UBAC2: variants seen among roughly 807,000 people sequenced by gnomAD.
The protein encoded by UBAC2 is ubiquitin-associated domain-containing protein 2.
In UBAC2, 26 loss-of-function variants were observed where a neutral mutation model predicts 44.0. The ratio of observed to expected loss-of-function variants is 0.59; its 90% confidence interval spans 0.43 to 0.82. The LOEUF is 0.82. UBAC2 is among the 40% of genes least tolerant of loss of function. UBAC2 has a pLI of 0.00. For missense variants in UBAC2, 329 were observed against 419.4 expected, an observed-to-expected ratio of 0.78 and a Z score of 1.88; for synonymous variants, 155 against 154.3, an observed-to-expected ratio of 1.00 and a Z score of -0.04.
chr13:99,382,664 A>G (rs568627894), intron 8 of UBAC2, among the ~76,000 whole-genome samples: 1 of 152,334 alleles, frequency 6.6e-6, no homozygotes, highest in Non-Finnish European at 1.5e-5. Context: ...CACAGCCCTC[A>G]TACTGGGAGT....
chr13:99,245,317 G>A (rs1762376370), intron 4 of UBAC2, among the ~76,000 whole-genome samples: 1 of 152,196 alleles, frequency 6.6e-6, no homozygotes, highest in Non-Finnish European at 1.5e-5. Flanking sequence ...ACGAAGTTAA[G>A]CTTCTGAAGA....
intron 1 of UBAC2, chr13:99,201,611 C>T (rs1409035281): frequency 1.9e-6 from 3 of 1,606,882 alleles, no homozygotes; most frequent in East Asian, 2.2e-5. Context: ...CGGCTTTTCT[C>T]ACTGAGTGTG....
chr13:99,331,007 A>G (rs2044709251), intron 6 of UBAC2, among the ~76,000 whole-genome samples: 1 of 152,232 alleles, frequency 6.6e-6, no homozygotes, highest in Non-Finnish European at 1.5e-5. Context: ...GGTTTTCTCC[A>G]TGTGCTAGAG....
chr13:99,200,869 CT>C lies in UBAC2; in HGVS notation c.-39del. ...GCTGGGGCTCGCACTTCAGCTTCCC[CT>C]CCCCCGGCGCCCTCTGGGGCTCCGA... On this transcript the variant is annotated 5_prime_UTR_variant, in exon 1 of 9. Coordinates refer to ENST00000403766, the MANE Select transcript of UBAC2 (RefSeq NM_001144072.2). The C allele has an allele frequency of 7.7e-7, 1 of 1,290,956 alleles. No individual in the cohort carries two copies. 80.0% of individuals were successfully genotyped at this position (1,290,956 alleles called of 1,614,324 possible).
At chr13:99,228,161 C>T (rs1049682830) in intron 1 of UBAC2, among the ~76,000 whole-genome samples, 7 of 152,180 alleles carry the variant, frequency 4.6e-5, no homozygotes, top group South Asian at 2.1e-4. Context: ...TCAAGCTGCC[C>T]GTTGCACTTA....
At chr13:99,242,196 C>A (rs370729217) in intron 2 of UBAC2, among the ~76,000 whole-genome samples, 3 of 151,546 alleles carry the variant, frequency 2.0e-5, no homozygotes, top group Non-Finnish European at 2.9e-5. Flanking sequence ...CTTTCCCCCC[C>A]TTCTATTCCA....
intron 1 of UBAC2, among the ~76,000 whole-genome samples, chr13:99,208,696 C>T (rs1028455493): frequency 3.9e-5 from 6 of 152,278 alleles, no homozygotes; most frequent in South Asian, 2.1e-4. Context: ...CCTCAGATTT[C>T]TTGTGTCTGA....
At chr13:99,384,917 T>C (rs2045600747) in intron 8 of UBAC2, among the ~76,000 whole-genome samples, 1 of 152,240 alleles carries the variant, frequency 6.6e-6, no homozygotes, top group Non-Finnish European at 1.5e-5. Flanking sequence ...GCAGTGAGCC[T>C]GGGCAGCTCA....
At chr13:99,298,372 A>G (rs180831627) in intron 4 of UBAC2, among the ~76,000 whole-genome samples, 193 of 152,312 alleles carry the variant, frequency 1.3e-3, no homozygotes, top group African/African-American at 4.4e-3. Context: ...AAGTTTGGAA[A>G]TGAAAAAATA....
rs376348477 is a variant in UBAC2, at chr13:99,295,575, T to C, written c.390-18522T>C. Reference sequence around the variant, plus strand: ...CCAAGCAGAATCCAGGGAAGAGATTTAGTTTCTTCAAAGTTTGGATACTCC... The same window carrying C: ...CCAAGCAGAATCCAGGGAAGAGATTCAGTTTCTTCAAAGTTTGGATACTCC... On this transcript the variant is annotated intron_variant, in intron 4 of 8. Coordinates refer to ENST00000403766, the MANE Select transcript of UBAC2 (RefSeq NM_001144072.2). This position sits in a 1 kb window ranked among gnomAD's most constrained non-coding sequence, Gnocchi z 4.1. The C allele has an allele frequency of 1.4e-5, 23 of 1,614,016 alleles. No individual in the cohort carries two copies. In the African/African-American group the frequency reaches 2.1e-4, roughly 15 times the overall value.
intron 2 of UBAC2, among the ~76,000 whole-genome samples, chr13:99,243,581 A>T (rs1052931465): frequency 6.6e-6 from 1 of 152,156 alleles, no homozygotes; most frequent in African/African-American, 2.4e-5. Flanking sequence ...GTTTTCTGTT[A>T]TCTTAATGAG....
chr13:99,323,980 T>A (rs1033341131), intron 6 of UBAC2, among the ~76,000 whole-genome samples: 2 of 152,200 alleles, frequency 1.3e-5, no homozygotes, highest in Non-Finnish European at 2.9e-5. Flanking sequence ...CAACTTATGT[T>A]CTACCTGTAG....
At chr13:99,362,403 A>G (rs565151144) in intron 7 of UBAC2, among the ~76,000 whole-genome samples, 2 of 152,356 alleles carry the variant, frequency 1.3e-5, no homozygotes, top group South Asian at 4.1e-4. Context: ...TTGCCAGGTC[A>G]TAGACTAGAA....
intron 1 of UBAC2, among the ~76,000 whole-genome samples, chr13:99,231,164 C>G (rs1427234549): frequency 6.6e-6 from 1 of 152,192 alleles, no homozygotes; most frequent in Non-Finnish European, 1.5e-5. Flanking sequence ...CTCCCCCTTG[C>G]TGTGTAACCC....
intron 4 of UBAC2, among the ~76,000 whole-genome samples, chr13:99,287,264 C>G (rs2070099444): frequency 6.6e-6 from 1 of 152,070 alleles, no homozygotes; most frequent in South Asian, 2.1e-4. Flanking sequence ...ACGGGCCTCC[C>G]CAGAGGCCTG....
intron 1 of UBAC2, among the ~76,000 whole-genome samples, chr13:99,229,612 C>T (rs952840779): frequency 4.6e-5 from 7 of 152,190 alleles, no homozygotes; most frequent in Admixed American, 4.6e-4. Flanking sequence ...CAAACACACA[C>T]AGATAGTCCT....
Position 99,276,912 on chromosome 13 carries a change from G to C in UBAC2, c.389+32288G>C, listed in dbSNP as rs184183102. 2.0e-5 allele frequency among the ~76,000 whole-genome samples: 3 copies of C among 152,240 alleles called. No individual in the cohort carries two copies. The East Asian group carries it at 5.8e-4, about 29-fold the overall frequency. On this transcript the variant is annotated intron_variant, in intron 4 of 8. Coordinates refer to ENST00000403766, the MANE Select transcript of UBAC2 (RefSeq NM_001144072.2). ...CAGCCAGCAGGTGGGTAGAGTTCAG[G>C]GGGTGGCTGTGCAGTGCTCTGCCTT...
intron 1 of UBAC2, among the ~76,000 whole-genome samples, chr13:99,213,454 G>A (rs185697068): frequency 2.8e-4 from 43 of 151,008 alleles, no homozygotes; most frequent in African/African-American, 9.3e-4. Context: ...GCTGCCTCCC[G>A]GGTTCAAGTG....
chr13:99,232,883 A>G (rs1409917569), intron 1 of UBAC2, among the ~76,000 whole-genome samples: 1 of 152,136 alleles, frequency 6.6e-6, no homozygotes, highest in Admixed American at 6.5e-5. Flanking sequence ...TGGAGGTTGC[A>G]GTCAGCTGAG....
Sources: allele counts gnomAD v4.1 joint callset (sites outside exome capture counted in the v4.1 genomes callset), GRCh38; gene constraint gnomAD v4.1.1; non-coding constraint Gnocchi (gnomAD v3.1); transcripts MANE v1.5; gene names NCBI Gene and HGNC (gene_info 2026-07-23, HGNC 2026-07-21).